MMP16: variants seen among roughly 807,000 people sequenced by gnomAD.
MMP16 encodes the protein matrix metalloproteinase-16.
In MMP16, 12 loss-of-function variants were observed where a neutral mutation model predicts 67.8. The observed-to-expected ratio is 0.18, with a 90% CI of 0.11 to 0.29. The LOEUF is 0.29. Ranked by LOEUF, MMP16 falls within the 10% of genes least tolerant of loss-of-function variation. The pLI is 1.00. For missense variants in MMP16, 475 were observed against 765.7 expected, an observed-to-expected ratio of 0.62 and a Z score of 4.48; for synonymous variants, 249 against 255.9, an observed-to-expected ratio of 0.97 and a Z score of 0.26.
rs1182500995 is a variant in MMP16 at position 88,041,068 on chromosome 8, GC to G, written c.*392del. 1.2e-5 allele frequency: 2 copies of G among 160,896 alleles called. No individual in the cohort carries two copies. Among genetic ancestry groups the G allele is most frequent in the Admixed American group, 6.5e-5 (1 of 15,486 alleles). The allele number at this position is 160,896 out of a possible 1,614,324, so 10.0% of individuals were successfully genotyped here. On this transcript the variant is annotated 3_prime_UTR_variant, in exon 10 of 10. Transcript: ENST00000286614. This position sits in a 1 kb window ranked among gnomAD's most constrained non-coding sequence, Gnocchi z 6.0. ...AGAAAAACCGTGGGTTTTCTGATTT[GC>G]TTTTTTTTTCTCCCCCCAGAAATGG...
intron 4 of MMP16, among the ~76,000 whole-genome samples, chr8:88,121,840 C>T (rs537204126): frequency 3.3e-5 from 5 of 152,096 alleles, no homozygotes; most frequent in Admixed American, 6.6e-5. Flanking sequence ...ATAATTATGT[C>T]TATATTTTAT....
intron 6 of MMP16, among the ~76,000 whole-genome samples, chr8:88,107,725 T>G (rs911996827): frequency 6.6e-6 from 1 of 151,252 alleles, no homozygotes; most frequent in African/African-American, 2.4e-5. Flanking sequence ...TGTTTTATTT[T>G]ATATTGCTAT....
intron 1 of MMP16, among the ~76,000 whole-genome samples, chr8:88,293,865 G>C (rs574989030): frequency 5.9e-5 from 9 of 152,018 alleles, no homozygotes; most frequent in Non-Finnish European, 8.8e-5. Context: ...AATCCTATGA[G>C]CCAATGTTTC....
intron 1 of MMP16, among the ~76,000 whole-genome samples, chr8:88,293,907 G>A (rs1278265145): frequency 1.3e-5 from 2 of 151,996 alleles, no homozygotes; most frequent in Non-Finnish European, 2.9e-5. Flanking sequence ...CACTTTTCTG[G>A]ATGCTTTCTA....
Position 88,116,601 on chromosome 8 carries a change from G to T in MMP16, c.989C>A (p.Thr330Asn). ...NDRPKPPRPP[T>N]GRPSYPGAKP... ...GGCTCCGGGATAGGAGGGTCTGCCG[G>T]TTGGAGGCCGAGGAGGTTTTGGCCT... Residue 330 changes from threonine (T) to asparagine (N), a missense_variant, in exon 6 of 10, where the codon ACC becomes AAC. Transcript: ENST00000286614. The T allele has an allele frequency of 6.2e-7, 1 of 1,613,866 alleles. No individual in the cohort carries two copies.
chr8:88,225,147 T>C (rs535018293), intron 1 of MMP16, among the ~76,000 whole-genome samples: 1 of 152,050 alleles, frequency 6.6e-6, no homozygotes, highest in African/African-American at 2.4e-5. Context: ...CTATATAGTT[T>C]ACAATTTCAC....
chr8:88,124,979 C>T (rs575323633), intron 4 of MMP16, among the ~76,000 whole-genome samples: 56 of 151,952 alleles, frequency 3.7e-4, no homozygotes, highest in Middle Eastern at 6.8e-3. Flanking sequence ...GTGACCTCAT[C>T]CAACCCTAAT....
intron 4 of MMP16, among the ~76,000 whole-genome samples, chr8:88,127,614 A>C (rs1807956787): frequency 6.6e-6 from 1 of 151,882 alleles, no homozygotes; most frequent in African/African-American, 2.4e-5. Context: ...TATTTCCAAA[A>C]ACAGAAAACT....
intron 1 of MMP16, among the ~76,000 whole-genome samples, chr8:88,274,276 G>C (rs1212166622): frequency 6.6e-6 from 1 of 152,024 alleles, no homozygotes; most frequent in East Asian, 1.9e-4. Flanking sequence ...TACAATGAAA[G>C]AAGAAACAGA....
At position 88,115,348 on chromosome 8, in the gene MMP16, A is replaced by G. The variant is rs188364470; in HGVS notation, c.1083+1159T>C. On this transcript the variant is annotated intron_variant, in intron 6 of 9. Coordinates refer to ENST00000286614, the MANE Select transcript of MMP16 (RefSeq NM_005941.5). ...AAGTAAGATTTTCTTTACTCTTTGA[A>G]TCTAAGTTTATTAAACTACTTGAAA... Among the ~76,000 whole-genome samples the G allele has an allele frequency of 2.2e-4, 34 of 152,202 alleles. No individual in the cohort carries two copies. The South Asian group carries it at 3.9e-3, about 18-fold the overall frequency.
intron 1 of MMP16, among the ~76,000 whole-genome samples, chr8:88,225,995 A>T (rs1315691672): frequency 6.6e-6 from 1 of 151,938 alleles, no homozygotes; most frequent in Non-Finnish European, 1.5e-5. Context: ...TTTTTATACA[A>T]CTATTTTATA....
At chr8:88,289,179 G>A (rs1810881598) in intron 1 of MMP16, among the ~76,000 whole-genome samples, 1 of 152,140 alleles carries the variant, frequency 6.6e-6, no homozygotes, top group Non-Finnish European at 1.5e-5. Flanking sequence ...AAGAGAGTGT[G>A]AGCGCGAGAC....
intron 1 of MMP16, among the ~76,000 whole-genome samples, chr8:88,309,971 AC>A (rs1367020577): frequency 1.3e-5 from 2 of 152,096 alleles, no homozygotes; most frequent in Non-Finnish European, 2.9e-5. Context: ...CAGTGTATGC[AC>A]CTTTTTCCTC....
intron 1 of MMP16, among the ~76,000 whole-genome samples, chr8:88,232,041 AGAAG>A (rs1427902790): frequency 1.3e-5 from 2 of 152,110 alleles, no homozygotes; most frequent in African/African-American, 4.8e-5. Context: ...AACCATAAAG[AGAAG>A]GAATGGAGTA....
intron 1 of MMP16, among the ~76,000 whole-genome samples, chr8:88,318,869 G>A (rs892879403): frequency 6.6e-6 from 1 of 152,096 alleles, no homozygotes; most frequent in African/African-American, 2.4e-5. Flanking sequence ...CCATGTTGCT[G>A]GTTATTTGGA....
chr8:88,316,823 C>T (rs1811381749), intron 1 of MMP16, among the ~76,000 whole-genome samples: 1 of 152,062 alleles, frequency 6.6e-6, no homozygotes, highest in Non-Finnish European at 1.5e-5. Context: ...ACTTTAAAAC[C>T]TTCTGTAAAA....
At chr8:88,164,468 T>C (rs1808679967) in intron 4 of MMP16, among the ~76,000 whole-genome samples, 1 of 152,090 alleles carries the variant, frequency 6.6e-6, no homozygotes, top group Non-Finnish European at 1.5e-5. Context: ...GTTCTTTTGA[T>C]AAATGATCAA....
chr8:88,075,976 A>ACACACACACACAC (rs1400489880), intron 6 of MMP16, among the ~76,000 whole-genome samples: 1 of 46,062 alleles, frequency 2.2e-5, no homozygotes, highest in Admixed American at 2.1e-4. Context: ...CACACACACA[A>ACACACACACACAC]AATCTACTGA....
chr8:88,205,374 T>G lies in MMP16; in HGVS notation c.133-8068A>C, dbSNP rs542566698. ...ATGTTAAAAAAATGAGAAGGCAGAC[T>G]GTCTGAAAAGATACCTACAATAACC... On this transcript the variant is annotated intron_variant, in intron 1 of 9. Coordinates refer to ENST00000286614, the MANE Select transcript of MMP16 (RefSeq NM_005941.5). 1.2e-3 allele frequency among the ~76,000 whole-genome samples: 179 copies of G among 152,250 alleles called. 1 individual carries two copies. The highest frequency in any genetic ancestry group is 3.8e-3 in the African/African-American group (157 of 41,544).
Sources: allele counts gnomAD v4.1 joint callset (sites outside exome capture counted in the v4.1 genomes callset), GRCh38; gene constraint gnomAD v4.1.1; non-coding constraint Gnocchi (gnomAD v3.1); transcripts MANE v1.5; gene names NCBI Gene and HGNC (gene_info 2026-07-23, HGNC 2026-07-21).